EOGT: variants seen among roughly 807,000 people sequenced by gnomAD.
EOGT encodes the protein EGF domain-specific O-linked N-acetylglucosamine transferase.
In EOGT, 55 loss-of-function variants were observed where a neutral mutation model predicts 70.5. The observed-to-expected ratio is 0.78, with a 90% CI of 0.63 to 0.98. The LOEUF (loss-of-function observed/expected upper bound fraction) is 0.98, where lower values mean the gene tolerates loss of function less well. EOGT is among the 50% of genes least tolerant of loss of function. The pLI, the probability that EOGT is intolerant of heterozygous loss-of-function variation, is 0.00. For synonymous variants in EOGT, 246 were observed against 217.1 expected, an observed-to-expected ratio of 1.13 and a Z score of -1.17; for missense variants, 703 against 641.9, an observed-to-expected ratio of 1.10 and a Z score of -1.03.
At chr3:69,007,507 C>T (rs749340654) in intron 6 of EOGT, among the ~76,000 whole-genome samples, 1 of 24,782 alleles carries the variant, frequency 4.0e-5, no homozygotes, top group Non-Finnish European at 9.6e-5. Flanking sequence ...TAAAAATTAG[C>T]GGGGGGGGGT....
rs1445418708 is a variant in EOGT at position 68,979,669 on chromosome 3, G to A, written c.1333C>T (p.Leu445=). The A allele has an allele frequency of 1.2e-6, 2 of 1,613,598 alleles. No homozygotes were observed. Among genetic ancestry groups the A allele is most frequent in the Non-Finnish European group, 1.7e-6 (2 of 1,179,746 alleles). ...FLPDWAAVFE[L]YNCEDERCYL... ...GTAAAACTGCCTCCCAACACTTACA[G>A]TTCAAATACAGCAGCCCAGTCTGGA... The change falls in exon 16 of 18, where the codon CTG becomes TTG. Residue 445 remains leucine (L), a splice_region_variant and synonymous_variant. Coordinates refer to ENST00000383701, the MANE Select transcript of EOGT (RefSeq NM_001278689.2).
At chr3:69,008,255 A>T (rs2091487629) in intron 5 of EOGT, among the ~76,000 whole-genome samples, 173 bp downstream of exon 5, 1 of 152,230 alleles carries the variant, frequency 6.6e-6, no homozygotes, top group African/African-American at 2.4e-5. Flanking sequence ...GAAATGACAG[A>T]TATTCCTATC....
chr3:69,005,152 C>A lies in EOGT; in HGVS notation c.503G>T (p.Arg168Ile), dbSNP rs1195838957. The change falls in exon 7 of 18, where the codon AGA becomes ATA. Residue 168 changes from arginine to isoleucine, a missense_variant. Transcript: ENST00000383701. ...NLYLDLRNIK[R>I]NHDRFKEDFF... ...ACCACTAAAGTACCTGTCATGATTT[C>A]TCTTGATGTTTCTTAAATCAAGATA... is the stretch of plus-strand genomic sequence containing the variant. 6.4e-7 allele frequency: 1 copy of A among 1,567,224 alleles called. No individual in the cohort carries two copies. The highest frequency in any genetic ancestry group is 1.1e-5 in the South Asian group (1 of 89,330).
chr3:69,010,288 C>T (rs561238581), intron 3 of EOGT, among the ~76,000 whole-genome samples: 2 of 152,284 alleles, frequency 1.3e-5, no homozygotes, highest in East Asian at 3.9e-4. Context: ...CACAACAATG[C>T]CTCTGTCCAA....
In EOGT at chr3:68,975,821, T is replaced by C. The variant is rs1243898651; in HGVS notation, c.*1797A>G. 1 of 152,166 alleles carries C rather than the reference T, an allele frequency of 6.6e-6. No individual in the cohort carries two copies. The allele number at this position is 152,166 out of a possible 1,614,324, so 9.4% of individuals were successfully genotyped here. On this transcript the variant is annotated 3_prime_UTR_variant, in exon 18 of 18. Transcript: ENST00000383701. Reference sequence around the variant, plus strand: ...AGAAGACTGTTCCAATCCTTTAAAGTGGGGGTCAGCAAACGTCTTCTGTAA... The same window carrying C: ...AGAAGACTGTTCCAATCCTTTAAAGCGGGGGTCAGCAAACGTCTTCTGTAA...
chr3:69,000,029 C>G (rs2091255052), intron 9 of EOGT, among the ~76,000 whole-genome samples: 2 of 152,068 alleles, frequency 1.3e-5, no homozygotes, highest in Non-Finnish European at 2.9e-5. Context: ...CAAGACCAGT[C>G]TGAGCAATCC....
chr3:69,006,125 C>G (rs2091434286), intron 6 of EOGT, among the ~76,000 whole-genome samples: 1 of 152,200 alleles, frequency 6.6e-6, no homozygotes, highest in South Asian at 2.1e-4. Flanking sequence ...CAAAGCAAAT[C>G]AAGGTAAATC....
rs2090845540 is a variant in EOGT at position 68,987,443 on chromosome 3, A to G, written c.1152+2T>C. 1 of 1,609,868 alleles carries G rather than the reference A, an allele frequency of 6.2e-7. No individual in the cohort carries two copies. The highest frequency in any genetic ancestry group is 1.7e-5 in the Admixed American group (1 of 59,726). On this transcript the variant is annotated splice_donor_variant, in intron 14 of 17. Coordinates refer to ENST00000383701, the MANE Select transcript of EOGT (RefSeq NM_001278689.2). LOFTEE classifies it high-confidence loss of function. Reference sequence around the variant, plus strand: ...CATTAAAAATGCATACCAAAAACTAACCTCATTTTGGTTAAGGATTTTCCG... The same window carrying G: ...CATTAAAAATGCATACCAAAAACTAGCCTCATTTTGGTTAAGGATTTTCCG...
chr3:68,983,008 TA>T (rs2090694756), intron 14 of EOGT, 136 bp from the exon 15 acceptor site: 4 of 565,062 alleles, frequency 7.1e-6, no homozygotes, highest in African/African-American at 3.8e-5. Context: ...CAACAACAAA[TA>T]AAAAGAAAAT....
chr3:69,004,595 T>A, intron 7 of EOGT, 113 bp from the exon 8 acceptor site: 1 of 684,662 alleles, frequency 1.5e-6, no homozygotes, highest in South Asian at 1.8e-5. Flanking sequence ...TTAAAAGAAT[T>A]TAACTATTTA....
chr3:69,002,092 C>T (rs9857898), intron 8 of EOGT, among the ~76,000 whole-genome samples: 124,349 of 152,124 alleles, frequency 0.82, 50,974 homozygotes, highest in Admixed American at 0.85. Flanking sequence ...TTCAGGAGCC[C>T]GAAGCAGGAG....
intron 11 of EOGT, 118 bp downstream of exon 11, chr3:68,988,807 C>A: frequency 1.5e-6 from 1 of 655,602 alleles, no homozygotes; most frequent in Non-Finnish European, 2.5e-6. Flanking sequence ...AAAAGAAATT[C>A]AGAAATTCAG....
chr3:69,005,118 T>C, intron 7 of EOGT, 22 bp downstream of exon 7: 2 of 1,318,480 alleles, frequency 1.5e-6, no homozygotes, highest in Non-Finnish European at 2.1e-6. Flanking sequence ...ATACTAGATG[T>C]TAACATTAAC....
At chr3:69,005,111 C>A in intron 7 of EOGT, 29 bp downstream of exon 7, 4 of 1,151,314 alleles carry the variant, frequency 3.5e-6, no homozygotes, top group Non-Finnish European at 5.0e-6. Context: ...AGAATTTATA[C>A]TAGATGTTAA....
rs1174091268 is a variant in EOGT, at chr3:68,975,846, A to G, written c.*1772T>C. ...TGGGGGTCAGCAAACGTCTTCTGTA[A>G]AGGTCCAGATATTTTGTTTTGTGTG... On this transcript the variant is annotated 3_prime_UTR_variant, in exon 18 of 18. Coordinates refer to ENST00000383701, the MANE Select transcript of EOGT (RefSeq NM_001278689.2). 3 of 152,180 alleles carry G rather than the reference A, an allele frequency of 2.0e-5. No individual in the cohort carries two copies. Among genetic ancestry groups the G allele is most frequent in the Non-Finnish European group, 4.4e-5 (3 of 68,032 alleles). 9.4% of individuals were successfully genotyped at this position (152,180 alleles called of 1,614,324 possible).
rs1467093444 is a variant in EOGT at position 68,975,643 on chromosome 3, T to C, written c.*1975A>G. 1.3e-5 allele frequency: 2 copies of C among 152,468 alleles called. No homozygotes were observed. Among genetic ancestry groups the C allele is most frequent in the Non-Finnish European group, 2.9e-5 (2 of 68,032 alleles). 9.4% of individuals were successfully genotyped at this position (152,468 alleles called of 1,614,324 possible). A position where few individuals can be genotyped will look rare whatever the true frequency, so the allele number is the denominator to read the frequency against. ...TATTTTCCCAGTGGTTACTCAGTAT[T>C]TTGCACACAAAAAACAGTTACAATA... On this transcript the variant is annotated 3_prime_UTR_variant, in exon 18 of 18. Coordinates refer to ENST00000383701, the MANE Select transcript of EOGT (RefSeq NM_001278689.2).
intron 14 of EOGT, among the ~76,000 whole-genome samples, chr3:68,987,052 C>T (rs2090831621): frequency 6.6e-6 from 1 of 152,218 alleles, no homozygotes; most frequent in Admixed American, 6.5e-5. Flanking sequence ...TGTAAGAGGA[C>T]AGAGATTCTT....
intron 13 of EOGT, chr3:68,987,930 GTTT>G (rs554540522): frequency 2.7e-4 from 89 of 329,378 alleles, no homozygotes; most frequent in African/African-American, 1.9e-3. Flanking sequence ...TTTGGGTTTT[GTTT>G]TGGGGCAGTC....
chr3:68,995,863 G>A (rs572357652), intron 10 of EOGT, among the ~76,000 whole-genome samples: 4 of 152,266 alleles, frequency 2.6e-5, no homozygotes, highest in South Asian at 2.1e-4. Context: ...CATTATCTTA[G>A]AACACTCACC....
Sources: allele counts gnomAD v4.1 joint callset (sites outside exome capture counted in the v4.1 genomes callset), GRCh38; gene constraint gnomAD v4.1.1; transcripts MANE v1.5; gene names NCBI Gene and HGNC (gene_info 2026-07-23, HGNC 2026-07-21).